The following DSTN variants were observed in gnomAD, a reference collection of about 807,000 sequenced individuals.
DSTN encodes destrin, actin depolymerizing factor.
Under a neutral mutation model 16.8 loss-of-function variants are expected in DSTN, and 10 were observed. The observed-to-expected ratio is 0.60, with a 90% CI of 0.37 to 1.01. The LOEUF (loss-of-function observed/expected upper bound fraction) is 1.01, where lower values mean the gene tolerates loss of function less well. DSTN is among the 50% of genes least tolerant of loss of function. DSTN has a pLI of 0.01. For missense variants in DSTN, 141 were observed against 196.7 expected, an observed-to-expected ratio of 0.72 and a Z score of 1.69; for synonymous variants, 57 against 58.9, an observed-to-expected ratio of 0.97 and a Z score of 0.14.
At position 17,607,957 on chromosome 20, in the gene DSTN, T is replaced by C. The variant is rs1423805891; in HGVS notation, c.*811T>C. On this transcript the variant is annotated 3_prime_UTR_variant, in exon 4 of 4. Transcript: ENST00000246069. ...CTGTGGTATCTTTAATTGTATCTCC[T>C]TCAGAAGTTTGCTTCTTATGGTATA... is the stretch of plus-strand genomic sequence containing the variant. 6.6e-6 allele frequency: 1 copy of C among 152,240 alleles called. No individual in the cohort carries two copies. Among genetic ancestry groups the C allele is most frequent in the East Asian group, 1.9e-4 (1 of 5,202 alleles). 9.4% of individuals were successfully genotyped at this position (152,240 alleles called of 1,614,324 possible). A position where few individuals can be genotyped will look rare whatever the true frequency, so the allele number is the denominator to read the frequency against.
intron 1 of DSTN, among the ~76,000 whole-genome samples, chr20:17,589,646 C>T (rs2035449159): frequency 6.6e-6 from 1 of 152,132 alleles, no homozygotes; most frequent in African/African-American, 2.4e-5. Flanking sequence ...GCCAAAAGCC[C>T]AAATATTTTG....
intron 2 of DSTN, among the ~76,000 whole-genome samples, chr20:17,603,287 G>A (rs182125972): frequency 2.6e-5 from 4 of 152,238 alleles, no homozygotes; most frequent in African/African-American, 9.6e-5. Context: ...GAAGTATTTA[G>A]CTATACCGTA....
intron 1 of DSTN, among the ~76,000 whole-genome samples, chr20:17,580,702 C>T (rs190285283): frequency 1.0e-3 from 152 of 151,214 alleles, no homozygotes; most frequent in Middle Eastern, 3.4e-3. Context: ...GAGCCGAGAT[C>T]GTGCCATTGC....
chr20:17,583,817 G>T (rs2035376150), intron 1 of DSTN, among the ~76,000 whole-genome samples: 1 of 131,012 alleles, frequency 7.6e-6, no homozygotes, highest in African/African-American at 2.8e-5. Flanking sequence ...GCTCACTGCA[G>T]CCTCTACCAC....
chr20:17,603,353 A>T (rs2035606766), intron 2 of DSTN, among the ~76,000 whole-genome samples: 1 of 152,184 alleles, frequency 6.6e-6, no homozygotes, highest in African/African-American at 2.4e-5. Flanking sequence ...GCAAAACAAC[A>T]TACACCAGGT....
chr20:17,595,929 C>A (rs1358303580), intron 1 of DSTN, among the ~76,000 whole-genome samples: 1 of 152,166 alleles, frequency 6.6e-6, no homozygotes, highest in Non-Finnish European at 1.5e-5. Flanking sequence ...ACCATTCAAT[C>A]TTCCCTTTTT....
At chr20:17,576,695 T>C (rs1423454013) in intron 1 of DSTN, among the ~76,000 whole-genome samples, 1 of 152,222 alleles carries the variant, frequency 6.6e-6, no homozygotes, top group Non-Finnish European at 1.5e-5. Flanking sequence ...TTTGTCATTG[T>C]GTTTGTGCTT....
At chr20:17,588,387 T>TC (rs2035433638) in intron 1 of DSTN, among the ~76,000 whole-genome samples, 1 of 152,186 alleles carries the variant, frequency 6.6e-6, no homozygotes, top group Non-Finnish European at 1.5e-5. Context: ...AATCAGTCTG[T>TC]CACACAACCA....
chr20:17,589,305 G>A (rs1296664304), intron 1 of DSTN, among the ~76,000 whole-genome samples: 5 of 151,826 alleles, frequency 3.3e-5, no homozygotes, highest in Admixed American at 1.3e-4. Context: ...TCGCCTCCCA[G>A]GTTCAAGTGA....
intron 1 of DSTN, among the ~76,000 whole-genome samples, chr20:17,572,534 AAG>A (rs2035218961): frequency 6.6e-6 from 1 of 152,092 alleles, no homozygotes; most frequent in Non-Finnish European, 1.5e-5. Context: ...CTTGCCCCTG[AAG>A]TAGAGTTAAA....
intron 1 of DSTN, among the ~76,000 whole-genome samples, chr20:17,572,325 C>A (rs1226536548): frequency 5.9e-5 from 9 of 152,104 alleles, no homozygotes; most frequent in Non-Finnish European, 1.5e-5. Flanking sequence ...ATTACAGACC[C>A]CAAACAAAAC....
chr20:17,601,185 G>T, intron 2 of DSTN, 140 bp downstream of exon 2: 2 of 1,069,734 alleles, frequency 1.9e-6, no homozygotes, highest in Non-Finnish European at 1.3e-6. Flanking sequence ...GTTTCATAAT[G>T]TTACCAGGGC....
At chr20:17,594,962 C>G (rs2035510649) in intron 1 of DSTN, among the ~76,000 whole-genome samples, 1 of 152,152 alleles carries the variant, frequency 6.6e-6, no homozygotes, top group African/African-American at 2.4e-5. Flanking sequence ...CTTTGAGACA[C>G]ACAACTGGAG....
chr20:17,584,850 T>A (rs544387020), intron 1 of DSTN, among the ~76,000 whole-genome samples: 9 of 152,252 alleles, frequency 5.9e-5, no homozygotes, highest in African/African-American at 2.2e-4. Context: ...AAGTAAGTCA[T>A]AAGTATTTCC....
intron 1 of DSTN, among the ~76,000 whole-genome samples, chr20:17,594,295 A>G (rs1211797047): frequency 6.6e-6 from 1 of 152,052 alleles, no homozygotes; most frequent in African/African-American, 2.4e-5. Flanking sequence ...CAGTGACTTA[A>G]CACAGTAAAG....
intron 1 of DSTN, among the ~76,000 whole-genome samples, 183 bp from the exon 2 acceptor site, chr20:17,600,555 T>C (rs2035575270): frequency 6.6e-6 from 1 of 152,216 alleles, no homozygotes; most frequent in Non-Finnish European, 1.5e-5. Flanking sequence ...CATATATTTG[T>C]GATCTTTTAA....
chr20:17,572,884 G>A (rs540671039), intron 1 of DSTN, among the ~76,000 whole-genome samples: 1 of 152,302 alleles, frequency 6.6e-6, no homozygotes, highest in East Asian at 1.9e-4. Context: ...AGGTTTTTAT[G>A]TTATCATTAC....
chr20:17,586,107 A>T (rs1260075048), intron 1 of DSTN, among the ~76,000 whole-genome samples: 1 of 152,168 alleles, frequency 6.6e-6, no homozygotes, highest in Non-Finnish European at 1.5e-5. Context: ...TTCTTGTCTC[A>T]GTTAAGGATG....
intron 1 of DSTN, among the ~76,000 whole-genome samples, chr20:17,570,701 A>G (rs1007528977): frequency 9.2e-5 from 14 of 152,236 alleles, no homozygotes; most frequent in African/African-American, 3.4e-4. Flanking sequence ...GTCCATCTCA[A>G]TAAGGAAGAT....
Sources: allele counts gnomAD v4.1 joint callset (sites outside exome capture counted in the v4.1 genomes callset), GRCh38; gene constraint gnomAD v4.1.1; transcripts MANE v1.5; gene names NCBI Gene and HGNC (gene_info 2026-07-23, HGNC 2026-07-21).